The following ANKRD44 variants were observed in gnomAD, a reference collection of about 807,000 sequenced individuals.
The protein encoded by ANKRD44 is serine/threonine-protein phosphatase 6 regulatory ankyrin repeat subunit B.
A neutral mutation model predicts 116.0 loss-of-function variants in ANKRD44; 35 were observed. The observed-to-expected ratio is 0.30, with a 90% CI of 0.23 to 0.40. The LOEUF (loss-of-function observed/expected upper bound fraction) is 0.40, where lower values mean the gene tolerates loss of function less well. ANKRD44 is among the 10% of genes least tolerant of loss of function. The pLI is 1.00. For synonymous variants in ANKRD44, 435 were observed against 461.8 expected (o/e 0.94, Z 0.74); for missense variants, 1,014 against 1,242.6 (o/e 0.82, Z 2.77).
chr2:197,049,221 T>G lies in ANKRD44; in HGVS notation c.1651-23954A>C, dbSNP rs536407656. 1.5e-3 allele frequency among the ~76,000 whole-genome samples: 236 copies of G among 152,360 alleles called. 1 individual carries two copies. The highest frequency in any genetic ancestry group is 3.0e-3 in the Non-Finnish European group (202 of 68,026). ...TTGTCTATTTTGGCTTTTCTTGCCA[T>G]GCTTGTGGTGTTTTAGACATGAAGT... On this transcript the variant is annotated intron_variant, in intron 16 of 27. Transcript: ENST00000282272.
intron 16 of ANKRD44, among the ~76,000 whole-genome samples, chr2:197,067,396 C>A (rs946934656): frequency 6.6e-6 from 1 of 152,156 alleles, no homozygotes; most frequent in Non-Finnish European, 1.5e-5. Flanking sequence ...GTCTAAAACA[C>A]CAAAAGCACC....
intron 16 of ANKRD44, among the ~76,000 whole-genome samples, chr2:197,039,994 C>T (rs1284292559): frequency 2.6e-5 from 4 of 151,370 alleles, no homozygotes; most frequent in Non-Finnish European, 4.4e-5. Flanking sequence ...TTTGGGAGGC[C>T]GAGGCGGGCA....
chr2:197,166,087 G>A (rs2080095259), intron 2 of ANKRD44, among the ~76,000 whole-genome samples: 1 of 152,102 alleles, frequency 6.6e-6, no homozygotes, highest in African/African-American at 2.4e-5. Context: ...GATTTTGCTT[G>A]ACTGTTACAG....
At chr2:197,149,251 A>T (rs1006763654) in intron 2 of ANKRD44, among the ~76,000 whole-genome samples, 1 of 152,164 alleles carries the variant, frequency 6.6e-6, no homozygotes, top group African/African-American at 2.4e-5. Flanking sequence ...CCAAATTATG[A>T]CTTCATTTGA....
intron 1 of ANKRD44, among the ~76,000 whole-genome samples, chr2:197,287,037 T>G (rs909469427): frequency 6.6e-6 from 1 of 152,138 alleles, no homozygotes; most frequent in African/African-American, 2.4e-5. Flanking sequence ...ATTATACATT[T>G]GTCAAAACCC....
At chr2:197,036,598 C>T (rs2076812321) in intron 16 of ANKRD44, among the ~76,000 whole-genome samples, 1 of 152,172 alleles carries the variant, frequency 6.6e-6, no homozygotes, top group South Asian at 2.1e-4. Context: ...AGCTTAGCTA[C>T]ATTAAGTTTC....
intron 22 of ANKRD44, 90 bp from the exon 23 acceptor site, chr2:197,000,592 C>T (rs868605867): frequency 2.0e-6 from 2 of 1,009,652 alleles, no homozygotes; most frequent in Non-Finnish European, 3.0e-6. Flanking sequence ...GTATATTTGA[C>T]AATCTGAAGC....
chr2:197,126,099 T>G, intron 4 of ANKRD44, 62 bp from the exon 5 acceptor site: 1 of 1,546,616 alleles, frequency 6.5e-7, no homozygotes, highest in Non-Finnish European at 8.9e-7. Context: ...CTTACTGGTG[T>G]AAGATGCTTC....
chr2:197,299,364 A>G (rs186255384), intron 1 of ANKRD44: 23 of 152,350 alleles, frequency 1.5e-4, no homozygotes, highest in Admixed American at 1.2e-3. Context: ...AAGTCATAAG[A>G]AAAAGGTACT....
At chr2:197,278,459 C>A (rs1046969190) in intron 1 of ANKRD44, among the ~76,000 whole-genome samples, 11 of 151,988 alleles carry the variant, frequency 7.2e-5, no homozygotes, top group Non-Finnish European at 1.5e-4. Context: ...CGGGTTCAAG[C>A]AATTCTCCTG....
At chr2:197,007,751 G>T in intron 20 of ANKRD44, 55 bp downstream of exon 20, 1 of 1,170,292 alleles carries the variant, frequency 8.5e-7, no homozygotes, top group Non-Finnish European at 1.3e-6. Flanking sequence ...TGCTAAAAAA[G>T]AAAACAAGCT....
At chr2:197,095,209 C>A (rs1032012233) in intron 10 of ANKRD44, among the ~76,000 whole-genome samples, 14 of 152,130 alleles carry the variant, frequency 9.2e-5, no homozygotes, top group African/African-American at 3.4e-4. Context: ...TTTGACTCAT[C>A]GGAGTGGCCC....
chr2:197,287,267 T>A (rs1005041749), intron 1 of ANKRD44, among the ~76,000 whole-genome samples: 12 of 152,084 alleles, frequency 7.9e-5, no homozygotes, highest in African/African-American at 2.7e-4. Flanking sequence ...GTCTATTTTT[T>A]AAAAAAGTAT....
chr2:197,291,237 C>T (rs774676611), intron 1 of ANKRD44, among the ~76,000 whole-genome samples: 6 of 152,054 alleles, frequency 3.9e-5, no homozygotes, highest in African/African-American at 1.2e-4. Context: ...TGGCCAGGCG[C>T]GGTGGCTCAT....
intron 1 of ANKRD44, among the ~76,000 whole-genome samples, chr2:197,298,891 T>C (rs576268068): frequency 6.6e-6 from 1 of 151,300 alleles, no homozygotes; most frequent in Admixed American, 6.6e-5. Context: ...CACTCTAGCA[T>C]GGGTGACAGA....
intron 2 of ANKRD44, among the ~76,000 whole-genome samples, chr2:197,177,402 A>G (rs2080391333): frequency 6.6e-6 from 1 of 152,210 alleles, no homozygotes; most frequent in Non-Finnish European, 1.5e-5. Flanking sequence ...TCCCATGAGA[A>G]GAGCCCTTGC....
chr2:197,243,716 C>T (rs1336850423), intron 1 of ANKRD44, among the ~76,000 whole-genome samples: 2 of 152,282 alleles, frequency 1.3e-5, no homozygotes, highest in African/African-American at 4.8e-5. Context: ...TCTTGCTGTG[C>T]CCTCATGTGG....
At chr2:197,008,838 C>A in intron 19 of ANKRD44, 106 bp downstream of exon 19, 1 of 951,260 alleles carries the variant, frequency 1.1e-6, no homozygotes, top group Non-Finnish European at 1.7e-6. Flanking sequence ...AAATATATTC[C>A]TCCAATTTCT....
In ANKRD44 at chr2:196,987,641, A is replaced by G. The variant is rs2075852778; in HGVS notation, c.*1950T>C. ...TGGTGCCCTTTTAGTAGTGATAAAT[A>G]GAAATACCCTGAGCTATTTACTGTA... is the stretch of plus-strand genomic sequence containing the variant. On this transcript the variant is annotated 3_prime_UTR_variant, in exon 28 of 28. Coordinates refer to ENST00000282272, the MANE Select transcript of ANKRD44 (RefSeq NM_001195144.2). The G allele has an allele frequency of 1.0e-6, 1 of 985,340 alleles. No homozygotes were observed. The highest frequency in any genetic ancestry group is 1.2e-6 in the Non-Finnish European group (1 of 829,920). The allele number at this position is 985,340 out of a possible 1,614,324, so 61.0% of individuals were successfully genotyped here.
Sources: gnomAD v4.1 joint callset for allele counts (sites outside exome capture counted in the v4.1 genomes callset) on GRCh38, gnomAD v4.1.1 for gene constraint, MANE v1.5 for transcripts, NCBI Gene and HGNC (gene_info 2026-07-23, HGNC 2026-07-21) for gene names.